Variants in YY1 observed in about 807,000 individuals in gnomAD.
YY1 encodes transcriptional repressor protein YY1.
Under a neutral mutation model 35.6 loss-of-function variants are expected in YY1, and 2 were observed. The observed-to-expected ratio is 0.06, with a 90% CI of 0.02 to 0.18. YY1 has a LOEUF of 0.18. Ranked by LOEUF, YY1 falls within the 10% of genes least tolerant of loss-of-function variation. The pLI is 1.00. For missense variants in YY1, 322 were observed against 573.4 expected, an observed-to-expected ratio of 0.56 and a Z score of 4.48; for synonymous variants, 268 against 238.9, an observed-to-expected ratio of 1.12 and a Z score of -1.12.
At chr14:100,244,348 CAG>C (rs1566768655) in intron 1 of YY1, among the ~76,000 whole-genome samples, 3 of 67,704 alleles carry the variant, frequency 4.4e-5, no homozygotes, top group Non-Finnish European at 7.6e-5. Flanking sequence ...TTTTTTGAGA[CAG>C]GGGTCTCACT....
rs35165026 is a variant in YY1, at chr14:100,254,940, A to ATTTTTTTTTTTT, written c.680-7346_680-7335dup. 7.8e-4 allele frequency among the ~76,000 whole-genome samples: 23 copies of ATTTTTTTTTTTT among 29,588 alleles called. 2 individuals are homozygous for ATTTTTTTTTTTT. The highest frequency in any genetic ancestry group is 2.8e-3 in the African/African-American group (19 of 6,894). 19.4% of individuals were successfully genotyped at this position (29,588 alleles called of 152,430 possible). ...AAGCGCCCGCCACCACGCCCAGCTA[A>ATTTTTTTTTTTT]TTTTTTTTTTTTTTTTTTTTTTTTT... On this transcript the variant is annotated intron_variant, in intron 1 of 4. Coordinates refer to ENST00000262238, the MANE Select transcript of YY1 (RefSeq NM_003403.5).
chr14:100,249,398 G>A (rs1490428172), intron 1 of YY1, among the ~76,000 whole-genome samples: 1 of 152,062 alleles, frequency 6.6e-6, no homozygotes, highest in Non-Finnish European at 1.5e-5. Context: ...GGGATTACAG[G>A]CGTGAGACAC....
At chr14:100,251,570 A>G (rs1486157517) in intron 1 of YY1, among the ~76,000 whole-genome samples, 2 of 152,248 alleles carry the variant, frequency 1.3e-5, no homozygotes, top group African/African-American at 4.8e-5. Flanking sequence ...GAACTTGGCA[A>G]GTCCCTGTTA....
rs1482907121 is a variant in YY1, at chr14:100,281,170, T to A, written c.*3570T>A. 6.6e-6 allele frequency: 1 copy of A among 150,804 alleles called. No homozygotes were observed. Among genetic ancestry groups the A allele is most frequent in the Non-Finnish European group, 1.5e-5 (1 of 67,774 alleles). The allele number at this position is 150,804 out of a possible 1,614,324, so 9.3% of individuals were successfully genotyped here. ...GATCACTTCCAGGGTCTCTGACTTC[T>A]GTGACCTGGAAATCAGCCTGGCTTG... On this transcript the variant is annotated 3_prime_UTR_variant, in exon 5 of 5. Transcript: ENST00000262238.
rs552620897 is a variant in YY1, at chr14:100,244,182, T to C, written c.679+4259T>C. On this transcript the variant is annotated intron_variant, in intron 1 of 4. Transcript: ENST00000262238. ...ATGGGTTTCTTTTGCGCACATGCCA[T>C]GTTCCTTTAATTTCCCACAGTAAGA... Among the ~76,000 whole-genome samples, 3 of 152,150 alleles carry C rather than the reference T, an allele frequency of 2.0e-5. No homozygotes were observed. The South Asian group carries it at 6.2e-4, about 32-fold the overall frequency.
At position 100,277,273 on chromosome 14, in the gene YY1, C is replaced by T; in HGVS notation, c.1063-145C>T. 1 of 1,037,040 alleles carries T rather than the reference C, an allele frequency of 9.6e-7. No individual in the cohort carries two copies. 64.2% of individuals were successfully genotyped at this position (1,037,040 alleles called of 1,614,324 possible). ...GTCCAACCTGCCTGCTGATTCTAGA[C>T]TATATCCACAAAGTTCACCCAGGGC... On this transcript the variant is annotated intron_variant, in intron 4 of 4. Coordinates refer to ENST00000262238, the MANE Select transcript of YY1 (RefSeq NM_003403.5). This position sits in a 1 kb window ranked among gnomAD's most constrained non-coding sequence, Gnocchi z 5.6.
chr14:100,266,047 C>T (rs149641780), intron 2 of YY1, among the ~76,000 whole-genome samples: 2 of 152,104 alleles, frequency 1.3e-5, no homozygotes, highest in East Asian at 1.9e-4. Flanking sequence ...TACTTGGTGG[C>T]GGCAAGAGAA....
chr14:100,265,512 G>A (rs61992946), intron 2 of YY1: 5,146 of 152,342 alleles, frequency 0.034, 134 homozygotes, highest in Non-Finnish European at 0.051. Flanking sequence ...GATGCTTTTA[G>A]CCACTGCTCA....
Position 100,281,954 on chromosome 14 carries a change from C to G in YY1, c.*4354C>G, listed in dbSNP as rs1891440646. The stretch of plus-strand genomic sequence containing the variant: ...GCCAGAGAGGATCTTTAAGCTGGGA[C>G]TGTACTGAGGCTTGATGGGAAGTAT... On this transcript the variant is annotated 3_prime_UTR_variant, in exon 5 of 5. Transcript: ENST00000262238. 1 of 152,236 alleles carries G rather than the reference C, an allele frequency of 6.6e-6. No individual in the cohort carries two copies. The highest frequency in any genetic ancestry group is 1.5e-5 in the Non-Finnish European group (1 of 68,056). 9.4% of individuals were successfully genotyped at this position (152,236 alleles called of 1,614,324 possible).
intron 2 of YY1, among the ~76,000 whole-genome samples, chr14:100,272,305 AAAAAG>A (rs1366002543): frequency 1.7e-3 from 262 of 151,872 alleles, no homozygotes; most frequent in Non-Finnish European, 2.8e-3. Context: ...CAAAAAAAAA[AAAAAG>A]AAAGAAAAGG....
chr14:100,256,423 A>G (rs550869956), intron 1 of YY1, among the ~76,000 whole-genome samples: 53 of 152,234 alleles, frequency 3.5e-4, no homozygotes, highest in Admixed American at 7.9e-4. Flanking sequence ...TTCCTCCCCA[A>G]CCCATCTGAT....
At chr14:100,275,210 A>G (rs1891301352) in intron 3 of YY1, among the ~76,000 whole-genome samples, 1 of 152,232 alleles carries the variant, frequency 6.6e-6, no homozygotes, top group African/African-American at 2.4e-5. Flanking sequence ...CTTTAAAATA[A>G]AAGGATAACC....
intron 1 of YY1, among the ~76,000 whole-genome samples, chr14:100,246,328 G>A (rs1890833338): frequency 1.3e-5 from 2 of 152,226 alleles, no homozygotes; most frequent in South Asian, 2.1e-4. Flanking sequence ...CACAGCTTGG[G>A]TTGTGGGGGA....
chr14:100,277,869 T>C lies in YY1; in HGVS notation c.*269T>C, dbSNP rs1891346831. The C allele has an allele frequency of 2.3e-6, 1 of 437,226 alleles. No individual in the cohort carries two copies. Among genetic ancestry groups the C allele is most frequent in the South Asian group, 2.8e-5 (1 of 35,380 alleles). 27.1% of individuals were successfully genotyped at this position (437,226 alleles called of 1,614,324 possible). On this transcript the variant is annotated 3_prime_UTR_variant, in exon 5 of 5. Transcript: ENST00000262238. The surrounding 1 kb of genome is among the most constrained non-coding windows in gnomAD (Gnocchi z 5.6). The stretch of plus-strand genomic sequence containing the variant: ...AGTGTGGTCCCAACAGGAGGACAAT[T>C]CATGAACTTCGCATCAAAAGACAAT...
intron 1 of YY1, among the ~76,000 whole-genome samples, chr14:100,250,089 G>C (rs1890902073): frequency 6.6e-6 from 1 of 152,186 alleles, no homozygotes; most frequent in Non-Finnish European, 1.5e-5. Context: ...CTGCTCTTTA[G>C]ATACATTGCT....
chr14:100,278,829 G>T lies in YY1; in HGVS notation c.*1229G>T, dbSNP rs1891367375. ...GCGCAGGGTAAGGTGCCACCTGGCA[G>T]TGGGGCACACAGAGGGAAGACCAGG... is the stretch of plus-strand genomic sequence containing the variant. On this transcript the variant is annotated 3_prime_UTR_variant, in exon 5 of 5. Coordinates refer to ENST00000262238, the MANE Select transcript of YY1 (RefSeq NM_003403.5). The T allele has an allele frequency of 1.3e-5, 2 of 152,278 alleles. No individual in the cohort carries two copies. The highest frequency in any genetic ancestry group is 4.1e-4 in the South Asian group (2 of 4,834). 9.4% of individuals were successfully genotyped at this position (152,278 alleles called of 1,614,324 possible). A position where few individuals can be genotyped will look rare whatever the true frequency, so the allele number is the denominator to read the frequency against.
At chr14:100,260,625 A>G (rs1266263233) in intron 1 of YY1, among the ~76,000 whole-genome samples, 6 of 151,316 alleles carry the variant, frequency 4.0e-5, no homozygotes, top group Non-Finnish European at 7.4e-5. Flanking sequence ...GGTGCCCGCC[A>G]CCACGCCTGG....
chr14:100,249,748 G>GTTTTTTTTTTTTTT (rs57119106), intron 1 of YY1, among the ~76,000 whole-genome samples: 1 of 141,030 alleles, frequency 7.1e-6, no homozygotes, highest in African/African-American at 2.7e-5. Flanking sequence ...GCTACTTACC[G>GTTTTTTTTTTTTTT]TTTTTTTTTT....
chr14:100,272,460 T>C (rs1191521849), intron 2 of YY1, among the ~76,000 whole-genome samples: 1 of 152,204 alleles, frequency 6.6e-6, no homozygotes, highest in Non-Finnish European at 1.5e-5. Flanking sequence ...AATGATTTCA[T>C]GTGTTCAGGT....
Sources: gnomAD v4.1 joint callset for allele counts (sites outside exome capture counted in the v4.1 genomes callset) on GRCh38, gnomAD v4.1.1 for gene constraint, Gnocchi (gnomAD v3.1) non-coding constraint, MANE v1.5 for transcripts, NCBI Gene and HGNC (gene_info 2026-07-23, HGNC 2026-07-21) for gene names.